WDPCP: variants seen among roughly 807,000 people sequenced by gnomAD.
WDPCP encodes WD repeat-containing and planar cell polarity effector protein fritz homolog.
Under a neutral mutation model 93.1 loss-of-function variants are expected in WDPCP, and 71 were observed. That is an observed-to-expected ratio of 0.76 (90% CI 0.63 to 0.93). The LOEUF is 0.93. Among genes scored for constraint, WDPCP ranks in the 40% least tolerant of loss-of-function variants. WDPCP has a pLI of 0.00. For synonymous variants in WDPCP, 315 were observed against 315.0 expected (o/e 1.00, Z 0.00); for missense variants, 844 against 887.4 (o/e 0.95, Z 0.62).
intron 14 of WDPCP, among the ~76,000 whole-genome samples, chr2:63,222,866 T>C (rs1407043075): frequency 6.6e-6 from 1 of 152,212 alleles, no homozygotes; most frequent in East Asian, 1.9e-4. Context: ...ATAATATGTG[T>C]ACATATACAT....
intron 12 of WDPCP, among the ~76,000 whole-genome samples, chr2:63,363,534 G>A (rs1226136143): frequency 6.6e-6 from 1 of 152,094 alleles, no homozygotes; most frequent in African/African-American, 2.4e-5. Context: ...AGAGGTTGAG[G>A]CTGCAGTGAG....
At chr2:63,836,807 A>C in the WDPCP span, among the ~76,000 whole-genome samples, 1 of 152,246 alleles carries the variant, frequency 6.6e-6, no homozygotes, top group Non-Finnish European at 1.5e-5. Flanking sequence ...CAAAATAGTA[A>C]GGACCTGCTT....
At chr2:63,345,794 C>A (rs1030084289) in intron 12 of WDPCP, among the ~76,000 whole-genome samples, 2 of 152,116 alleles carry the variant, frequency 1.3e-5, no homozygotes, top group Admixed American at 1.3e-4. Context: ...AGCCAGCACT[C>A]CACTGTACTA....
intron 6 of WDPCP, among the ~76,000 whole-genome samples, chr2:63,450,324 G>A (rs1219486059): frequency 6.6e-6 from 1 of 152,128 alleles, no homozygotes; most frequent in East Asian, 1.9e-4. Context: ...GCACTGTGGT[G>A]CTGCTACCTG....
At chr2:63,284,311 G>C (rs1436954740) in intron 13 of WDPCP, among the ~76,000 whole-genome samples, 1 of 152,184 alleles carries the variant, frequency 6.6e-6, no homozygotes, top group Non-Finnish European at 1.5e-5. Flanking sequence ...GTCCCCAGTG[G>C]ATGCCTGAAA....
chr2:63,823,139 T>G (rs1328993577), intron 1 of WDPCP, among the ~76,000 whole-genome samples: 3 of 150,804 alleles, frequency 2.0e-5, no homozygotes, highest in African/African-American at 7.3e-5. Context: ...AAGCCTACTT[T>G]ACTGTTTGTA....
At chr2:63,523,640 A>T (rs1185661934) in intron 1 of WDPCP, among the ~76,000 whole-genome samples, 1 of 152,204 alleles carries the variant, frequency 6.6e-6, no homozygotes, top group Non-Finnish European at 1.5e-5. Context: ...GGCTGGGCGC[A>T]GTGGCTCACA....
intron 1 of WDPCP, among the ~76,000 whole-genome samples, chr2:63,553,004 A>G (rs887949072): frequency 6.6e-6 from 1 of 152,234 alleles, no homozygotes; most frequent in African/African-American, 2.4e-5. Flanking sequence ...CCAAACTAAG[A>G]ATTATGAAAT....
At chr2:63,486,847 TGATCAGATAGGAAAGA>T (rs773372909) in intron 3 of WDPCP, among the ~76,000 whole-genome samples, 2 of 151,942 alleles carry the variant, frequency 1.3e-5, no homozygotes, top group Non-Finnish European at 2.9e-5. Context: ...GCTTCCAATC[TGATCAGATAGGAAAGA>T]GAACTGCAAC....
chr2:63,588,264 C>T lies in WDPCP; in HGVS notation c.8G>A (p.Arg3Gln), dbSNP rs1371805530. The T allele has an allele frequency of 1.9e-6, 3 of 1,574,272 alleles. No individual in the cohort carries two copies. Among genetic ancestry groups the T allele is most frequent in the East Asian group, 4.7e-5 (2 of 42,260 alleles). Residue 3 changes from arginine (R) to glutamine (Q), a missense_variant, in exon 1 of 18, where the codon CGA becomes CAA. Transcript: ENST00000272321. ...GGAGTAGGCGTCCCAGCAAAACTCT[C>T]GCCTCATCACCAGACACTACCCCGG... Reference protein sequence around the residue: MRREFCWDAYSKA... With the variant: MRQEFCWDAYSKA...
In WDPCP at chr2:63,633,939, G is replaced by T. The variant is rs140348910; in HGVS notation, n.488+16720C>A. ...TAGCCAGATATGGTGGTGCATGCCT[G>T]TAATCCCAGCTACTCACGAGGGTGA... On this transcript the variant is annotated intron_variant and non_coding_transcript_variant, in intron 3 of 4. Transcript: ENST00000467687. Among the ~76,000 whole-genome samples the T allele has an allele frequency of 4.1e-3, 623 of 152,210 alleles. 4 individuals carry two copies. The highest frequency in any genetic ancestry group is 0.014 in the African/African-American group (579 of 41,510).
intron 6 of WDPCP, among the ~76,000 whole-genome samples, chr2:63,473,378 C>T (rs962578831): frequency 6.6e-6 from 1 of 152,092 alleles, no homozygotes; most frequent in Non-Finnish European, 1.5e-5. Flanking sequence ...TTTTAATGTG[C>T]TTAGTGTTTT....
chr2:63,546,216 T>C (rs1705145847), intron 1 of WDPCP, among the ~76,000 whole-genome samples: 1 of 152,086 alleles, frequency 6.6e-6, no homozygotes, highest in Admixed American at 6.6e-5. Flanking sequence ...GCCTAAAGAA[T>C]AAAATGAAGT....
At chr2:63,682,849 C>G (rs1214313447) in intron 2 of WDPCP, among the ~76,000 whole-genome samples, 2 of 151,910 alleles carry the variant, frequency 1.3e-5, no homozygotes, top group African/African-American at 4.8e-5. Flanking sequence ...AGTAGAAAGA[C>G]TAAAAGATGA....
chr2:63,487,396 G>T, intron 3 of WDPCP, 51 bp downstream of exon 3: 1 of 1,326,332 alleles, frequency 7.5e-7, no homozygotes, highest in Non-Finnish European at 1.1e-6. Context: ...GTATTTCATG[G>T]TTTAGAATAT....
At chr2:63,329,968 TC>T (rs1210589856) in intron 12 of WDPCP, among the ~76,000 whole-genome samples, 1 of 152,192 alleles carries the variant, frequency 6.6e-6, no homozygotes, top group Non-Finnish European at 1.5e-5. Context: ...GATATGTATC[TC>T]ATTTCTTTAT....
intron 12 of WDPCP, among the ~76,000 whole-genome samples, chr2:63,369,755 G>A (rs1691226959): frequency 6.6e-6 from 1 of 152,060 alleles, no homozygotes. Flanking sequence ...CAATGCAAAT[G>A]GAACAGAGTG....
At chr2:63,653,909 C>CA (rs34250036) in intron 2 of WDPCP, among the ~76,000 whole-genome samples, 12,484 of 133,544 alleles carry the variant, frequency 0.093, 786 homozygotes, top group South Asian at 0.16. Context: ...GACTCCATCT[C>CA]AAAAAAAAAA....
chr2:63,144,085 A>G (rs1043180711), intron 17 of WDPCP, among the ~76,000 whole-genome samples: 1 of 152,080 alleles, frequency 6.6e-6, no homozygotes, highest in Non-Finnish European at 1.5e-5. Context: ...ATTATTCTTA[A>G]GTTTGGTTGT....
Sources: gnomAD v4.1 joint callset for allele counts (sites outside exome capture counted in the v4.1 genomes callset) on GRCh38, gnomAD v4.1.1 for gene constraint, MANE v1.5 for transcripts, NCBI Gene and HGNC (gene_info 2026-07-23, HGNC 2026-07-21) for gene names.